PPFIBP1: variants seen among roughly 807,000 people sequenced by gnomAD.
The protein encoded by PPFIBP1 is liprin-beta-1.
A neutral mutation model predicts 137.8 loss-of-function variants in PPFIBP1; 112 were observed. The ratio of observed to expected loss-of-function variants is 0.81; its 90% CI spans 0.70 to 0.95. The LOEUF (loss-of-function observed/expected upper bound fraction) is 0.95, where lower values mean the gene tolerates loss of function less well. Ranked by LOEUF, PPFIBP1 falls within the 40% of genes least tolerant of loss-of-function variation. The pLI is 0.00. For synonymous variants in PPFIBP1, 378 were observed against 417.3 expected, an observed-to-expected ratio of 0.91 and a Z score of 1.15; for missense variants, 1,083 against 1,196.6, an observed-to-expected ratio of 0.91 and a Z score of 1.40.
At chr12:27,689,450 G>A (rs77669038) in intron 27 of PPFIBP1, among the ~76,000 whole-genome samples, 6,637 of 150,258 alleles carry the variant, frequency 0.044, 445 homozygotes, top group African/African-American at 0.16. Context: ...AAAAAAAAAA[G>A]AAGAAGAAGT....
At chr12:27,600,008 A>G (rs1201462414) in intron 2 of PPFIBP1, among the ~76,000 whole-genome samples, 3 of 152,212 alleles carry the variant, frequency 2.0e-5, no homozygotes, top group Non-Finnish European at 2.9e-5. Flanking sequence ...GCTGTATCCA[A>G]GTTAATATCC....
At chr12:27,689,906 C>T (rs1218244230) in intron 27 of PPFIBP1, among the ~76,000 whole-genome samples, 5 of 152,180 alleles carry the variant, frequency 3.3e-5, no homozygotes, top group African/African-American at 9.7e-5. Context: ...TATCAGCATG[C>T]AGCTAGCTAC....
intron 2 of PPFIBP1, among the ~76,000 whole-genome samples, chr12:27,630,192 A>AC (rs2057161363): frequency 6.6e-6 from 1 of 151,976 alleles, no homozygotes; most frequent in South Asian, 2.1e-4. Flanking sequence ...CTTAAATCCA[A>AC]CCTTATCAGT....
chr12:27,526,628 G>T (rs1943780329), intron 1 of PPFIBP1, among the ~76,000 whole-genome samples: 1 of 152,174 alleles, frequency 6.6e-6, no homozygotes, highest in South Asian at 2.1e-4. Context: ...GAGGTCAGGA[G>T]TTGGAGACCA....
At chr12:27,598,006 T>C (rs966691447) in intron 2 of PPFIBP1, among the ~76,000 whole-genome samples, 1 of 152,126 alleles carries the variant, frequency 6.6e-6, no homozygotes, top group African/African-American at 2.4e-5. Context: ...GGTTTCACCA[T>C]GTCAGCCAGG....
chr12:27,634,590 T>C (rs538897568), intron 3 of PPFIBP1, among the ~76,000 whole-genome samples: 1 of 152,338 alleles, frequency 6.6e-6, no homozygotes, highest in Admixed American at 6.5e-5. Context: ...ATTTGTATTT[T>C]CTGATCTGCC....
chr12:27,585,545 A>G (rs1279009290), intron 2 of PPFIBP1, among the ~76,000 whole-genome samples: 1 of 152,260 alleles, frequency 6.6e-6, no homozygotes, highest in Non-Finnish European at 1.5e-5. Flanking sequence ...GCTACTGTGT[A>G]CAAGAAACTG....
chr12:27,561,888 A>G (rs2049195965), intron 1 of PPFIBP1, among the ~76,000 whole-genome samples: 1 of 152,094 alleles, frequency 6.6e-6, no homozygotes, highest in Non-Finnish European at 1.5e-5. Context: ...ACAAAAAAAA[A>G]TTAAAATTAA....
rs567560972 is a variant in PPFIBP1, at chr12:27,639,204, G to A, written c.270+4089G>A. 1.4e-4 allele frequency among the ~76,000 whole-genome samples: 22 copies of A among 152,250 alleles called. No individual in the cohort carries two copies. The South Asian group carries it at 4.1e-3, about 29-fold the overall frequency. On this transcript the variant is annotated intron_variant, in intron 4 of 29. Transcript: ENST00000228425. ...CAAATTTCTTTTAAAATTCAGAAGT[G>A]CGTCTCCTGTGGTTAAAAAAAACTG...
chr12:27,623,422 C>T (rs183625966), intron 2 of PPFIBP1, among the ~76,000 whole-genome samples: 34 of 152,212 alleles, frequency 2.2e-4, no homozygotes, highest in African/African-American at 7.7e-4. Flanking sequence ...GGTCATGGCT[C>T]GGTGCAGTGT....
chr12:27,634,768 A>G, intron 3 of PPFIBP1, 142 bp from the exon 4 acceptor site: 1 of 726,914 alleles, frequency 1.4e-6, no homozygotes, highest in Non-Finnish European at 2.3e-6. Flanking sequence ...TCTGACTTGG[A>G]GAGATTTATG....
In PPFIBP1 at chr12:27,679,985, G is replaced by A. The variant is rs2060782841; in HGVS notation, c.1819G>A (p.Glu607Lys). 1 of 1,614,152 alleles carries A rather than the reference G, an allele frequency of 6.2e-7. No individual in the cohort carries two copies. The highest frequency in any genetic ancestry group is 8.5e-7 in the Non-Finnish European group (1 of 1,180,006). ...CAACCCAGATGACATGTCTGAGCCTGAATTCAAAAGAGGAGGGACAAGGGC... is the reference window on the plus strand; with the variant it reads ...CAACCCAGATGACATGTCTGAGCCTAAATTCAAAAGAGGAGGGACAAGGGC... ...TFNPDDMSEPEFKRGGTRATA... is the reference protein window; with the variant it reads ...TFNPDDMSEPKFKRGGTRATA... The change falls in exon 21 of 30, where the codon GAA becomes AAA. Residue 607 changes from glutamate to lysine, a missense_variant. Physicochemically the swap from Glu to Lys is moderately conservative, Grantham distance 56. Coordinates refer to ENST00000228425, the MANE Select transcript of PPFIBP1 (RefSeq NM_003622.4).
chr12:27,556,945 C>A (rs1375303358), intron 1 of PPFIBP1, among the ~76,000 whole-genome samples: 1 of 90,266 alleles, frequency 1.1e-5, no homozygotes, highest in Non-Finnish European at 2.2e-5. Flanking sequence ...TCAATAAAGA[C>A]CCCACCCCTC....
At chr12:27,641,398 GA>G (rs149905032) in intron 4 of PPFIBP1, among the ~76,000 whole-genome samples, 13 of 152,210 alleles carry the variant, frequency 8.5e-5, no homozygotes, top group Non-Finnish European at 1.8e-4. Flanking sequence ...ATAGAACCCA[GA>G]AAATCAAAGG....
chr12:27,580,626 C>G (rs1157572998), intron 2 of PPFIBP1, among the ~76,000 whole-genome samples: 2 of 151,928 alleles, frequency 1.3e-5, no homozygotes, highest in Non-Finnish European at 2.9e-5. Context: ...TTTCAGTTCA[C>G]TTTTTAAAAA....
chr12:27,531,238 T>A (rs1181541261), intron 1 of PPFIBP1, among the ~76,000 whole-genome samples: 1 of 152,174 alleles, frequency 6.6e-6, no homozygotes, highest in African/African-American at 2.4e-5. Flanking sequence ...ATCTATAAAA[T>A]GGTAGCTCTG....
chr12:27,681,471 A>G, intron 21 of PPFIBP1, 75 bp from the exon 22 acceptor site: 4 of 1,487,624 alleles, frequency 2.7e-6, no homozygotes, highest in Non-Finnish European at 3.7e-6. Context: ...TTGAATGTAT[A>G]GTTGTTTAAA....
chr12:27,599,389 T>G (rs990049762), intron 2 of PPFIBP1: 12 of 451,968 alleles, frequency 2.7e-5, no homozygotes, highest in Admixed American at 1.7e-4. Flanking sequence ...TTATCAAGCC[T>G]TCAGACTCAG....
chr12:27,635,585 G>T (rs1297950685), intron 4 of PPFIBP1: 2 of 173,636 alleles, frequency 1.2e-5, no homozygotes, highest in East Asian at 3.0e-4. Context: ...AATCATTTCA[G>T]TTCCAGTTCC....
Sources: gnomAD v4.1 joint callset for allele counts (sites outside exome capture counted in the v4.1 genomes callset) on GRCh38, gnomAD v4.1.1 for gene constraint, MANE v1.5 for transcripts, NCBI Gene and HGNC (gene_info 2026-07-23, HGNC 2026-07-21) for gene names.